The following PCDHA7 variants were observed in gnomAD, a reference collection of about 807,000 sequenced individuals.
PCDHA7 encodes protocadherin alpha 7.
PCDHA7 carries 37 observed loss-of-function variants against 57.2 expected under a neutral mutation model. That is an observed-to-expected ratio of 0.65 (90% CI 0.50 to 0.85). PCDHA7 has a LOEUF of 0.85. Among genes scored for constraint, PCDHA7 ranks in the 40% least tolerant of loss-of-function variants. PCDHA7 has a pLI of 0.00. For synonymous variants in PCDHA7, 553 were observed against 558.8 expected (o/e 0.99, Z 0.15); for missense variants, 1,188 against 1,241.8 (o/e 0.96, Z 0.65).
chr5:140,849,480 C>G (rs1554142971), intron 1 of PCDHA7: 1 of 1,590,328 alleles, frequency 6.3e-7, no homozygotes, highest in African/African-American at 1.4e-5. Context: ...AGGCTTCCCA[C>G]CCCTGGCTGG....
rs2150239887 is a variant in PCDHA7 at position 140,835,629 on chromosome 5, G to A, written c.1246G>A (p.Glu416Lys). The change falls in exon 1 of 4, where the codon GAG becomes AAG. Residue 416 changes from glutamate to lysine, a missense_variant. Coordinates refer to ENST00000525929, the MANE Select transcript of PCDHA7 (RefSeq NM_018910.3). ...GGTGCTGGACAGCGCTCTGGACCGC[G>A]AGAGTGTGTCCGCCTATGAGCTGGT... ...SLVLDSALDR[E>K]SVSAYELVVT... 7.4e-6 allele frequency: 12 copies of A among 1,613,910 alleles called. 1 individual carries two copies. The East Asian group carries it at 1.3e-4, about 18-fold the overall frequency.
At position 140,851,979 on chromosome 5, in the gene PCDHA7, G is replaced by A. The variant is rs117939942; in HGVS notation, c.2355+15241G>A. 36 of 976,672 alleles carry A rather than the reference G, an allele frequency of 3.7e-5. No individual in the cohort carries two copies. In the East Asian group the frequency reaches 3.7e-3, roughly 102 times the overall value. 60.5% of individuals were successfully genotyped at this position (976,672 alleles called of 1,614,324 possible). ...GGTGGTTTTCCACACTCTACCTTTA[G>A]TGCAAGCTATTTGTTTGTTTTCTAA... On this transcript the variant is annotated intron_variant, in intron 1 of 3. Coordinates refer to ENST00000525929, the MANE Select transcript of PCDHA7 (RefSeq NM_018910.3).
chr5:140,873,025 C>T (rs1206957639), intron 1 of PCDHA7, among the ~76,000 whole-genome samples: 1 of 152,148 alleles, frequency 6.6e-6, no homozygotes, highest in African/African-American at 2.4e-5. Context: ...GTTATTCTTA[C>T]TACACGTAGA....
At chr5:140,908,470 G>C (rs2073991280) in intron 1 of PCDHA7, among the ~76,000 whole-genome samples, 1 of 152,186 alleles carries the variant, frequency 6.6e-6, no homozygotes, top group Non-Finnish European at 1.5e-5. Flanking sequence ...AAAGCACCCA[G>C]TTCATGATAG....
At chr5:140,979,350 A>T (rs113796939) in intron 2 of PCDHA7, among the ~76,000 whole-genome samples, 1,685 of 150,698 alleles carry the variant, frequency 0.011, 22 homozygotes, top group East Asian at 0.044. Flanking sequence ...TGTAATTAAT[A>T]CTCATGCTTT....
In PCDHA7 at chr5:140,849,939, G is replaced by T; in HGVS notation, c.2355+13201G>T. On this transcript the variant is annotated intron_variant, in intron 1 of 3. Coordinates refer to ENST00000525929, the MANE Select transcript of PCDHA7 (RefSeq NM_018910.3). ...CATCTTCACGGTGTCTGCGCGGGAC[G>T]CTGACGCGCAGGAGAACGCCCTGGT... The T allele has an allele frequency of 6.3e-7, 1 of 1,598,036 alleles. No homozygotes were observed. The highest frequency in any genetic ancestry group is 8.6e-7 in the Non-Finnish European group (1 of 1,167,746).
Position 140,834,307 on chromosome 5 carries a change from G to C in PCDHA7, c.-77G>C. The C allele has an allele frequency of 7.5e-7, 1 of 1,341,606 alleles. No individual in the cohort carries two copies. The highest frequency in any genetic ancestry group is 1.4e-5 in the South Asian group (1 of 71,404). The allele number at this position is 1,341,606 out of a possible 1,614,324, so 83.1% of individuals were successfully genotyped here. ...ACAACAATGGCCACACATCGAGATT[G>C]AAATGAAGGGATAAAAACATTCCTA... On this transcript the variant is annotated 5_prime_UTR_variant, in exon 1 of 4. An upstream open reading frame in the 5' UTR loses its in-frame stop. Coordinates refer to ENST00000525929, the MANE Select transcript of PCDHA7 (RefSeq NM_018910.3).
At chr5:140,838,592 G>A (rs2150290515) in intron 1 of PCDHA7, among the ~76,000 whole-genome samples, 4 of 151,904 alleles carry the variant, frequency 2.6e-5, no homozygotes, top group South Asian at 2.1e-4. Flanking sequence ...AACAATAACC[G>A]AATTGTCTAG....
chr5:140,849,539 A>G lies in PCDHA7; in HGVS notation c.2355+12801A>G, dbSNP rs2150439995. ...TTGTGGATGTAAATGACAATGCTCC[A>G]CAGTTGACTATCAAAACGCTCTCGG... On this transcript the variant is annotated intron_variant, in intron 1 of 3. Coordinates refer to ENST00000525929, the MANE Select transcript of PCDHA7 (RefSeq NM_018910.3). 1.9e-6 allele frequency: 3 copies of G among 1,598,028 alleles called. 1 individual carries two copies. The highest frequency in any genetic ancestry group is 1.7e-6 in the Non-Finnish European group (2 of 1,167,768).
intron 1 of PCDHA7, among the ~76,000 whole-genome samples, chr5:140,920,418 G>C (rs1355987486): frequency 6.6e-6 from 1 of 151,868 alleles, no homozygotes; most frequent in Non-Finnish European, 1.5e-5. Flanking sequence ...AGATACAGCT[G>C]TTCTCCCACA....
At chr5:140,969,297 T>C in intron 1 of PCDHA7, 2 of 1,614,200 alleles carry the variant, frequency 1.2e-6, no homozygotes, top group Non-Finnish European at 1.7e-6. Context: ...GGGAACCTGA[T>C]TATTCTCAAA....
chr5:140,841,872 C>T (rs147561890), intron 1 of PCDHA7: 4 of 1,613,678 alleles, frequency 2.5e-6, no homozygotes, highest in Non-Finnish European at 3.4e-6. Context: ...GATGTGAATT[C>T]AAAGAACGAT....
chr5:140,861,121 A>G (rs556416106), intron 1 of PCDHA7: 3 of 153,482 alleles, frequency 2.0e-5, no homozygotes, highest in African/African-American at 7.2e-5. Flanking sequence ...ACAAACACCC[A>G]TTAAGACCAC....
intron 1 of PCDHA7, chr5:140,929,284 A>G: frequency 6.2e-7 from 1 of 1,600,764 alleles, no homozygotes; most frequent in Non-Finnish European, 8.5e-7. Flanking sequence ...CTGTATTCAG[A>G]TTCGGAATAG....
At position 140,928,807 on chromosome 5, in the gene PCDHA7, C is replaced by T. The variant is rs782261335; in HGVS notation, c.2356-50142C>T. 6.2e-6 allele frequency: 10 copies of T among 1,614,094 alleles called. No homozygotes were observed. Among genetic ancestry groups the T allele is most frequent in the Non-Finnish European group, 8.5e-6 (10 of 1,180,020 alleles). On this transcript the variant is annotated intron_variant, in intron 1 of 3. Coordinates refer to ENST00000525929, the MANE Select transcript of PCDHA7 (RefSeq NM_018910.3). ...TAAGCAGAGGGTGGTGGTAGTGGTT[C>T]GGGACCATGGAGACCCACCACTTTC...
intron 1 of PCDHA7, chr5:140,853,229 A>G (rs2042677990): frequency 2.0e-6 from 2 of 981,308 alleles, no homozygotes; most frequent in Admixed American, 1.3e-4. Flanking sequence ...TTGGTAATTT[A>G]GTCCTTCATA....
intron 1 of PCDHA7, among the ~76,000 whole-genome samples, chr5:140,971,432 A>G (rs1446143040): frequency 6.6e-6 from 1 of 152,226 alleles, no homozygotes; most frequent in African/African-American, 2.4e-5. Context: ...AAGAACCCCA[A>G]GATCTACAGC....
At chr5:140,950,006 G>A (rs2094439907) in intron 1 of PCDHA7, among the ~76,000 whole-genome samples, 1 of 151,676 alleles carries the variant, frequency 6.6e-6, no homozygotes, top group African/African-American at 2.4e-5. Context: ...ACTTAATAGT[G>A]TACAACCTTC....
At chr5:140,996,431 T>C (rs1294673547) in intron 3 of PCDHA7, among the ~76,000 whole-genome samples, 1 of 152,182 alleles carries the variant, frequency 6.6e-6, no homozygotes, top group African/African-American at 2.4e-5. Flanking sequence ...ACTTTGGGAA[T>C]AGTCAGTGTC....
Sources: allele counts gnomAD v4.1 joint callset (sites outside exome capture counted in the v4.1 genomes callset), GRCh38; gene constraint gnomAD v4.1.1; transcripts MANE v1.5; gene names NCBI Gene and HGNC (gene_info 2026-07-23, HGNC 2026-07-21).